The following ABCA2 variants were observed in gnomAD, a reference collection of about 807,000 sequenced individuals.
ABCA2 encodes ATP-binding cassette sub-family A member 2.
In ABCA2, 84 loss-of-function variants were observed where a neutral mutation model predicts 262.8. The ratio of observed to expected loss-of-function variants is 0.32; its 90% CI spans 0.27 to 0.38. ABCA2 has a LOEUF of 0.38. Ranked by LOEUF, ABCA2 falls within the 10% of genes least tolerant of loss-of-function variation. ABCA2 has a pLI of 1.00. For missense variants in ABCA2, 2,662 were observed against 3,405.9 expected (o/e 0.78, Z 5.44); for synonymous variants, 1,696 against 1,502.9 (o/e 1.13, Z -2.97).
chr9:137,015,937 C>A (rs1288689561), intron 22 of ABCA2, 25 bp downstream of exon 22: 5 of 537,788 alleles, frequency 9.3e-6, no homozygotes, highest in Admixed American at 2.8e-5. Context: ...GCCCACCTGC[C>A]CCGCCCCCCG....
intron 1 of ABCA2, among the ~76,000 whole-genome samples, chr9:137,026,132 G>A (rs758658228): frequency 2.0e-5 from 3 of 152,208 alleles, no homozygotes; most frequent in African/African-American, 2.4e-5. Flanking sequence ...CCTGCACCAA[G>A]AGCAGCCTGT....
At position 137,009,584 on chromosome 9, in the gene ABCA2, C is replaced by T. The variant is rs762693872; in HGVS notation, c.6691G>A (p.Asp2231Asn). 13 of 1,612,776 alleles carry T rather than the reference C, an allele frequency of 8.1e-6. No individual in the cohort carries two copies. The African/African-American group carries it at 9.3e-5, about 12-fold the overall frequency. Residue 2231 changes from aspartate (D) to asparagine (N), a missense_variant, in exon 44 of 49, where the codon GAC (aspartate) becomes AAC (asparagine). Coordinates refer to ENST00000341511, the MANE Select transcript of ABCA2 (RefSeq NM_001606.5). ...ACTGAACGCCCTGTCTTGATGAGGT[C>T]AAGGATGAGGTTCCAGAGGAAGCGC... ...ARRFLWNLIL[D>N]LIKTGRSVVL...
At chr9:137,013,392 G>GCCC in intron 29 of ABCA2, 69 bp downstream of exon 29, 1 of 1,519,918 alleles carries the variant, frequency 6.6e-7, no homozygotes, top group South Asian at 1.2e-5. Flanking sequence ...CGCCCGCCTG[G>GCCC]CCCACCAAGG....
At chr9:137,009,332 G>GGCCCCCCC in intron 45 of ABCA2, 38 bp downstream of exon 45, 45 of 980,408 alleles carry the variant, frequency 4.6e-5, no homozygotes, top group Non-Finnish European at 6.5e-5. Flanking sequence ...CCCCCCCCGG[G>GGCCCCCCC]CCCGCCCCAG....
Position 137,007,618 on chromosome 9 carries a change from G to A in ABCA2, c.*311C>T. 2.0e-6 allele frequency: 1 copy of A among 487,910 alleles called. No homozygotes were observed. The highest frequency in any genetic ancestry group is 2.3e-5 in the South Asian group (1 of 44,016). 30.2% of individuals were successfully genotyped at this position (487,910 alleles called of 1,614,324 possible). ...AGGCCAGCAGTGCCTGGTCCAGCCG[G>A]CGTCGCCTTGGGCGGTGAGCAGTGC... On this transcript the variant is annotated 3_prime_UTR_variant, in exon 49 of 49. Coordinates refer to ENST00000341511, the MANE Select transcript of ABCA2 (RefSeq NM_001606.5).
rs1478520572 is a variant in ABCA2, at chr9:137,016,360, C to T, written c.3035G>A (p.Ser1012Asn). ...CACCTGGTTCTCGTAGAGGTTCAGG[C>T]TCAGCTTGTTCAGGGCCAGCTTCTT... is the stretch of plus-strand genomic sequence containing the variant. Reference protein sequence around the residue: ...DDKKLALNKLSLNLYENQVVS... With the variant: ...DDKKLALNKLNLNLYENQVVS... The change falls in exon 21 of 49, where the codon AGC becomes AAC. Residue 1012 changes from serine to asparagine, a missense_variant. By Grantham distance (46) the Ser-to-Asn change is conservative. Coordinates refer to ENST00000341511, the MANE Select transcript of ABCA2 (RefSeq NM_001606.5). The T allele has an allele frequency of 1.2e-6, 2 of 1,612,952 alleles. No homozygotes were observed. Among genetic ancestry groups the T allele is most frequent in the Non-Finnish European group, 8.5e-7 (1 of 1,180,000 alleles).
Position 137,009,525 on chromosome 9 carries a change from G to C in ABCA2, c.6734+16C>G. The C allele has an allele frequency of 6.2e-7, 1 of 1,612,390 alleles. No homozygotes were observed. Among genetic ancestry groups the C allele is most frequent in the Non-Finnish European group, 8.5e-7 (1 of 1,179,698 alleles). ...TGTGGGGTGGGGGCACAAAGAGGGG[G>C]TGGGGGCGCCCTCACCTGTGTGATG... is the stretch of plus-strand genomic sequence containing the variant. On this transcript the variant is annotated intron_variant, in intron 44 of 48. Transcript: ENST00000341511.
Position 137,013,128 on chromosome 9 carries a change from T to C in ABCA2, c.4741A>G (p.Thr1581Ala). Residue 1581 changes from threonine to alanine, a missense_variant, in exon 30 of 49, where the codon ACA becomes GCA. Around this residue, in one of 12 missense-constraint regions of ABCA2, gnomAD observed 192 missense variants for 207.2 expected, o/e 0.93. Coordinates refer to ENST00000341511, the MANE Select transcript of ABCA2 (RefSeq NM_001606.5). The stretch of plus-strand genomic sequence containing the variant: ...AAATTGGACAGTGGCAGCCCCTGTG[T>C]GAAGGACTCCAGACACATGCTGTCG... ...FFDSMCLESFTQGLPLSNFVP... is the reference protein window; with the variant it reads ...FFDSMCLESFAQGLPLSNFVP... 1 of 1,597,188 alleles carries C rather than the reference T, an allele frequency of 6.3e-7. No individual in the cohort carries two copies. Among genetic ancestry groups the C allele is most frequent in the Non-Finnish European group, 8.5e-7 (1 of 1,174,138 alleles).
intron 26 of ABCA2, 112 bp from the exon 27 acceptor site, chr9:137,014,516 G>C (rs531168275): frequency 6.9e-7 from 1 of 1,444,834 alleles, no homozygotes; most frequent in Admixed American, 2.1e-5. Context: ...ACCTGTCCGG[G>C]ACCTCTGGCC....
In ABCA2 at chr9:137,014,232, G is replaced by A. The variant is rs1364876111; in HGVS notation, c.4176C>T (p.Asp1392=). Residue 1392 remains aspartate (D), a synonymous_variant, in exon 27 of 49, where the codon GAC becomes GAT. Coordinates refer to ENST00000341511, the MANE Select transcript of ABCA2 (RefSeq NM_001606.5). ...ARGDEGAGYT[D]VYGDYRPLFD... ...AGAGGGGGCGGTAGTCGCCATAGAC[G>A]TCGGTGTAGCCAGCTCCCTCGTCGC... The A allele has an allele frequency of 1.6e-5, 25 of 1,610,142 alleles. No homozygotes were observed. The highest frequency in any genetic ancestry group is 4.4e-5 in the South Asian group (4 of 90,534).
chr9:137,015,682 G>A lies in ABCA2; in HGVS notation c.3507C>T (p.Tyr1169=). 6.2e-7 allele frequency: 1 copy of A among 1,609,094 alleles called. No homozygotes were observed. The highest frequency in any genetic ancestry group is 8.5e-7 in the Non-Finnish European group (1 of 1,178,396). The stretch of plus-strand genomic sequence containing the variant: ...ACACGGCACCCCACTCACCTGGCTT[G>A]TACTTCAGGATGAGGTCCCAGATGG... ...RRAIWDLILK[Y]KPGRTILLST... The change falls in exon 23 of 49, where the codon TAC becomes TAT. Residue 1169 remains tyrosine, a synonymous_variant. Transcript: ENST00000341511.
rs774528048 is a variant in ABCA2, at chr9:137,022,668, G to A, written c.439+34C>T. The A allele has an allele frequency of 3.8e-6, 6 of 1,593,076 alleles. No individual in the cohort carries two copies. In the Admixed American group the frequency reaches 5.1e-5, roughly 14 times the overall value. Reference sequence around the variant, plus strand: ...CAGTGACAGCAGAGCTTTGCCCGCAGCCCTGCCCCCCAACTTCCCTGCACA... The same window carrying A: ...CAGTGACAGCAGAGCTTTGCCCGCAACCCTGCCCCCCAACTTCCCTGCACA... On this transcript the variant is annotated intron_variant, in intron 5 of 48. Transcript: ENST00000341511.
chr9:137,011,563 A>AG lies in ABCA2; in HGVS notation c.5652-10dup. 6.4e-7 allele frequency: 1 copy of AG among 1,571,458 alleles called. No individual in the cohort carries two copies. The highest frequency in any genetic ancestry group is 8.6e-7 in the Non-Finnish European group (1 of 1,158,576). On this transcript the variant is annotated splice_polypyrimidine_tract_variant and intron_variant, in intron 36 of 48. Transcript: ENST00000341511. This position sits in a 1 kb window ranked among gnomAD's most constrained non-coding sequence, Gnocchi z 8.8. The stretch of plus-strand genomic sequence containing the variant: ...TGGGCGTGATGGACCACCTGCGGGC[A>AG]GGTGGCGGGCAGTGGTCACCAGGCA...
chr9:137,008,900 G>GCCCCCCCCCCCCCCGAGCGGCCC, intron 46 of ABCA2, 32 bp from the exon 47 acceptor site: 1 of 1,555,280 alleles, frequency 6.4e-7, no homozygotes, highest in Non-Finnish European at 8.7e-7. Flanking sequence ...GCCTGGCAGC[G>GCCCCCCCCCCCCCCGAGCGGCCC]CCCCCCCACC....
Position 137,012,985 on chromosome 9 carries a change from GC to G in ABCA2, c.4867+16del. On this transcript the variant is annotated intron_variant, in intron 30 of 48. Coordinates refer to ENST00000341511, the MANE Select transcript of ABCA2 (RefSeq NM_001606.5). ...CTCACTGCCCCTGCCCCCCCAGCAG[GC>G]CCCCTGAACCACTACCTGGCCCAGC... 6.7e-7 allele frequency: 1 copy of G among 1,481,792 alleles called. No homozygotes were observed. Among genetic ancestry groups the G allele is most frequent in the Non-Finnish European group, 9.0e-7 (1 of 1,113,986 alleles). The allele number at this position is 1,481,792 out of a possible 1,614,324, so 91.8% of individuals were successfully genotyped here. A position where few individuals can be genotyped will look rare whatever the true frequency, so the allele number is the denominator to read the frequency against.
rs201802252 is a variant in ABCA2 at position 137,022,496 on chromosome 9, C to A, written c.440-18G>T. On this transcript the variant is annotated intron_variant, in intron 5 of 48. Coordinates refer to ENST00000341511, the MANE Select transcript of ABCA2 (RefSeq NM_001606.5). ...GGAAGACACTGGACAGGCAGGAAGGCGAGGCTGAGAGGCCGCTGCACCTTG... is the reference window on the plus strand; with the variant it reads ...GGAAGACACTGGACAGGCAGGAAGGAGAGGCTGAGAGGCCGCTGCACCTTG... 1 of 1,608,112 alleles carries A rather than the reference C, an allele frequency of 6.2e-7. No homozygotes were observed. The highest frequency in any genetic ancestry group is 2.2e-5 in the East Asian group (1 of 44,806).
At chr9:137,014,608 A>G (rs534576828) in intron 26 of ABCA2, 82 bp downstream of exon 26, 322 of 1,530,542 alleles carry the variant, frequency 2.1e-4, no homozygotes, top group South Asian at 1.5e-3. Flanking sequence ...GCGCCCCCAG[A>G]CACCAGGCAG....
rs1280921998 is a variant in ABCA2, at chr9:137,022,245, G to A, written c.567+106C>T. 6 of 1,431,558 alleles carry A rather than the reference G, an allele frequency of 4.2e-6. No homozygotes were observed. In the South Asian group the frequency reaches 4.3e-5, roughly 10 times the overall value. 88.7% of individuals were successfully genotyped at this position (1,431,558 alleles called of 1,614,324 possible). On this transcript the variant is annotated intron_variant, in intron 6 of 48. Transcript: ENST00000341511. ...CAGATGGTGGGGGCAAGGTTCAGAC[G>A]GTCTGGGCGTGACTCAGGCTGAGCA...
chr9:137,018,609 G>A lies in ABCA2; in HGVS notation c.1819+110C>T. 4 of 862,490 alleles carry A rather than the reference G, an allele frequency of 4.6e-6. No homozygotes were observed. In the South Asian group the frequency reaches 6.6e-5, roughly 14 times the overall value. The allele number at this position is 862,490 out of a possible 1,614,324, so 53.4% of individuals were successfully genotyped here. On this transcript the variant is annotated intron_variant, in intron 13 of 48. Transcript: ENST00000341511. ...GGAGGGGAAGTGGCGGGTGAGGGGG[G>A]AAGGCCAGGGCGCGGCCAAGGAGTG...
Sources: gnomAD v4.1 joint callset for allele counts (sites outside exome capture counted in the v4.1 genomes callset) on GRCh38, gnomAD v4.1.1 for gene constraint, gnomAD v4.1.1 regional missense constraint, Gnocchi (gnomAD v3.1) non-coding constraint, MANE v1.5 for transcripts, NCBI Gene and HGNC (gene_info 2026-07-23, HGNC 2026-07-21) for gene names.